The following TTC29 variants were observed in gnomAD, a reference collection of about 807,000 sequenced individuals.
The protein encoded by TTC29 is tetratricopeptide repeat protein 29.
A neutral mutation model predicts 58.1 loss-of-function variants in TTC29; 49 were observed. The observed-to-expected ratio is 0.84, with a 90% confidence interval of 0.67 to 1.07. TTC29 has a LOEUF of 1.07. Ranked by LOEUF, TTC29 falls within the 50% of genes least tolerant of loss-of-function variation. TTC29 has a pLI of 0.00. For missense variants in TTC29, 582 were observed against 555.6 expected (o/e 1.05, Z -0.48); for synonymous variants, 209 against 196.8 (o/e 1.06, Z -0.52).
Position 146,741,085 on chromosome 4 carries a change from A to G in TTC29, c.1331-33534T>C, listed in dbSNP as rs141735240. 1.2e-3 allele frequency among the ~76,000 whole-genome samples: 181 copies of G among 152,318 alleles called. 6 individuals carry two copies. In the East Asian group the frequency reaches 0.032, roughly 27 times the overall value. Reference sequence around the variant, plus strand: ...TGAATTGATCTTTCTGGCCTGGAAAAGTCACCCAGTAGTGTGAACCTTACT... The same window carrying G: ...TGAATTGATCTTTCTGGCCTGGAAAGGTCACCCAGTAGTGTGAACCTTACT... On this transcript the variant is annotated intron_variant, in intron 11 of 12. Transcript: ENST00000325106.
intron 11 of TTC29, among the ~76,000 whole-genome samples, chr4:146,728,758 T>TATAC (rs1491175794): frequency 1.3e-4 from 16 of 126,714 alleles, no homozygotes; most frequent in Admixed American, 2.4e-4. Flanking sequence ...AGAGGATATA[T>TATAC]GTACATATAT....
At chr4:146,938,343 T>C (rs556768769) in intron 3 of TTC29, among the ~76,000 whole-genome samples, 19 of 152,294 alleles carry the variant, frequency 1.2e-4, no homozygotes, top group African/African-American at 4.6e-4. Context: ...TATTAAAGAA[T>C]GTTGATACAA....
intron 11 of TTC29, among the ~76,000 whole-genome samples, chr4:146,710,155 T>C (rs1411944787): frequency 6.6e-6 from 1 of 152,180 alleles, no homozygotes. Context: ...CATTAGGTGA[T>C]GTTGTTGTAC....
chr4:146,803,486 C>T lies in TTC29; in HGVS notation c.1301G>A (p.Arg434Lys). 1 of 1,592,226 alleles carries T rather than the reference C, an allele frequency of 6.3e-7. No homozygotes were observed. The highest frequency in any genetic ancestry group is 8.6e-7 in the Non-Finnish European group (1 of 1,167,596). Residue 434 changes from arginine (R) to lysine (K), a missense_variant, in exon 11 of 13, where the codon AGA (arginine) becomes AAA (lysine). Transcript: ENST00000325106. Reference sequence around the variant, plus strand: ...AACTGGATCAGGTTCAATGTTACCTCTGCTCTCCTTCCATGACAGCAGGTA... The same window carrying T: ...AACTGGATCAGGTTCAATGTTACCTTTGCTCTCCTTCCATGACAGCAGGTA... ...LNYLLSWKES[R>K]GNIEPDPVTE...
chr4:146,741,406 C>T (rs564379123), intron 11 of TTC29, among the ~76,000 whole-genome samples: 7 of 152,024 alleles, frequency 4.6e-5, no homozygotes, highest in South Asian at 2.1e-4. Context: ...GACCAAGGGA[C>T]GAACTGTTCA....
At chr4:146,787,336 T>G (rs1397602090) in intron 11 of TTC29, among the ~76,000 whole-genome samples, 2 of 152,146 alleles carry the variant, frequency 1.3e-5, no homozygotes, top group Non-Finnish European at 2.9e-5. Flanking sequence ...TAATGCAACA[T>G]AATTTGATAT....
intron 4 of TTC29, among the ~76,000 whole-genome samples, chr4:146,936,814 TAGAG>T (rs1258302924): frequency 6.6e-6 from 1 of 152,066 alleles, no homozygotes; most frequent in African/African-American, 2.4e-5. Flanking sequence ...GACAAATTAA[TAGAG>T]AGAATCTTTT....
chr4:146,792,056 T>C (rs1483413984), intron 11 of TTC29, among the ~76,000 whole-genome samples: 1 of 152,160 alleles, frequency 6.6e-6, no homozygotes, highest in Non-Finnish European at 1.5e-5. Flanking sequence ...AAACAACAAA[T>C]GCTAATGGAG....
chr4:146,925,011 A>C (rs1734832671), intron 4 of TTC29, among the ~76,000 whole-genome samples: 1 of 152,036 alleles, frequency 6.6e-6, no homozygotes, highest in African/African-American at 2.4e-5. Flanking sequence ...CAATTCGGGA[A>C]GATTTTCCAA....
At position 146,772,527 on chromosome 4, in the gene TTC29, G is replaced by T. The variant is rs371125251; in HGVS notation, c.1330+30930C>A. ...TGCTTGTTTTTGTCAAAGATCAGAT[G>T]ATTGCAGGTGCGCAGCCTTATTTCT... On this transcript the variant is annotated intron_variant, in intron 11 of 12. Coordinates refer to ENST00000325106, the MANE Select transcript of TTC29 (RefSeq NM_031956.4). 1.6e-4 allele frequency among the ~76,000 whole-genome samples: 25 copies of T among 152,088 alleles called. No homozygotes were observed. The East Asian group carries it at 3.7e-3, about 22-fold the overall frequency.
At chr4:146,768,086 A>T (rs1747462391) in intron 11 of TTC29, among the ~76,000 whole-genome samples, 1 of 152,066 alleles carries the variant, frequency 6.6e-6, no homozygotes, top group African/African-American at 2.4e-5. Context: ...TTTGTCAGGA[A>T]GTAAAATAGC....
intron 6 of TTC29, among the ~76,000 whole-genome samples, chr4:146,897,987 A>G (rs950606963): frequency 6.6e-6 from 1 of 152,212 alleles, no homozygotes; most frequent in African/African-American, 2.4e-5. Context: ...CAATGATAGA[A>G]TTTATTGTTT....
intron 6 of TTC29, among the ~76,000 whole-genome samples, chr4:146,881,982 A>G (rs1439749099): frequency 6.6e-6 from 1 of 152,120 alleles, no homozygotes; most frequent in African/African-American, 2.4e-5. Context: ...CTGATTTCAA[A>G]TGGACGTTAT....
chr4:146,945,377 GTTATCT>G (rs977946241), intron 1 of TTC29: 3 of 152,170 alleles, frequency 2.0e-5, no homozygotes, highest in African/African-American at 7.2e-5. Flanking sequence ...ACGAGATACA[GTTATCT>G]TTGCCAAAAA....
chr4:146,714,617 TA>T (rs1442980514), intron 11 of TTC29, among the ~76,000 whole-genome samples: 2 of 151,102 alleles, frequency 1.3e-5, no homozygotes, highest in Non-Finnish European at 1.5e-5. Flanking sequence ...AAAAAACCTA[TA>T]AAATGTACAA....
intron 4 of TTC29, among the ~76,000 whole-genome samples, chr4:146,914,739 T>G (rs1734106981): frequency 6.6e-6 from 1 of 152,176 alleles, no homozygotes; most frequent in Admixed American, 6.6e-5. Context: ...CATATGGGTT[T>G]TATTGCCATT....
At chr4:146,707,259 ATAAT>A (rs1487599761) in intron 12 of TTC29, 71 bp from the exon 13 acceptor site, 1 of 1,117,104 alleles carries the variant, frequency 9.0e-7, no homozygotes, top group East Asian at 2.7e-5. Context: ...GTTTTGAAAA[ATAAT>A]TTGTTTTCTG....
chr4:146,867,665 G>T, intron 7 of TTC29, 82 bp from the exon 8 acceptor site: 1 of 638,514 alleles, frequency 1.6e-6, no homozygotes, highest in Non-Finnish European at 2.5e-6. Context: ...TTTCAAGACA[G>T]TAGAAAATTA....
chr4:146,903,433 G>C, intron 6 of TTC29, 111 bp downstream of exon 6: 1 of 974,208 alleles, frequency 1.0e-6, no homozygotes, highest in Non-Finnish European at 1.5e-6. Context: ...TAATATACAT[G>C]ATTATGCTGA....
Sources: allele counts gnomAD v4.1 joint callset (sites outside exome capture counted in the v4.1 genomes callset), GRCh38; gene constraint gnomAD v4.1.1; transcripts MANE v1.5; gene names NCBI Gene and HGNC (gene_info 2026-07-23, HGNC 2026-07-21).